Variants in TOP2A observed in about 807,000 individuals in gnomAD.
TOP2A encodes the protein DNA topoisomerase II alpha.
In TOP2A, 68 loss-of-function variants were observed where a neutral mutation model predicts 187.2. The ratio of observed to expected loss-of-function variants is 0.36; its 90% CI spans 0.30 to 0.44. TOP2A has a LOEUF of 0.44. Among genes scored for constraint, TOP2A ranks in the 20% least tolerant of loss-of-function variants. TOP2A has a pLI of 1.00. For missense variants in TOP2A, 1,196 were observed against 1,808.7 expected (o/e 0.66, Z 6.14); for synonymous variants, 542 against 593.2 (o/e 0.91, Z 1.25).
chr17:40,400,856 C>G lies in TOP2A; in HGVS notation c.2658G>C (p.Leu886Phe). Residue 886 changes from leucine (L) to phenylalanine (F), a missense_variant, in exon 21 of 35, where the codon TTG becomes TTC. Leu to Phe is a conservative substitution (Grantham distance 22, BLOSUM62 0). Around this residue, in one of 10 missense-constraint regions of TOP2A, gnomAD observed 232 missense variants for 306.1 expected, o/e 0.76. Transcript: ENST00000423485. Reference sequence around the variant, plus strand: ...ACACACACAGAATACTTACCATTGGCAAAGGTTCTTCTCCATCCATCAAAC... The same window carrying G: ...ACACACACAGAATACTTACCATTGGGAAAGGTTCTTCTCCATCCATCAAAC... ...IRRLMDGEEPLPMLPSYKNFK... is the reference protein window; with the variant it reads ...IRRLMDGEEPFPMLPSYKNFK... The G allele has an allele frequency of 6.2e-7, 1 of 1,613,902 alleles. No individual in the cohort carries two copies. The highest frequency in any genetic ancestry group is 8.5e-7 in the Non-Finnish European group (1 of 1,179,846).
rs2035391927 is a variant in TOP2A at position 40,416,467 on chromosome 17, C to T, written c.223G>A (p.Val75Ile). 1 of 1,604,840 alleles carries T rather than the reference C, an allele frequency of 6.2e-7. No homozygotes were observed. The highest frequency in any genetic ancestry group is 8.5e-7 in the Non-Finnish European group (1 of 1,174,942). The change falls in exon 3 of 35, where the codon GTC becomes ATC. Residue 75 changes from valine (V) to isoleucine (I), a missense_variant. Val to Ile is a conservative substitution (Grantham distance 29). Transcript: ENST00000423485. ...TTGTACAAACCAGGAACAAAAGTGA[C>T]TTCCCTATAGTTAATGCCAACATCT... The part of the protein sequence containing the change: ...DEDVGINYRE[V>I]TFVPGLYKIF...
rs997592163 is a variant in TOP2A, at chr17:40,406,312, T to C, written c.1953+72A>G. The stretch of plus-strand genomic sequence containing the variant: ...TTTGATACGGAGTCTTATACAAAAA[T>C]GTAAATGTTTCAACTGGCTAAAGTA... On this transcript the variant is annotated intron_variant, in intron 16 of 34. Transcript: ENST00000423485. 8 of 1,106,574 alleles carry C rather than the reference T, an allele frequency of 7.2e-6. No homozygotes were observed. In the African/African-American group the frequency reaches 1.3e-4, roughly 17 times the overall value. 68.5% of individuals were successfully genotyped at this position (1,106,574 alleles called of 1,614,324 possible). A position where few individuals can be genotyped will look rare whatever the true frequency, so the allele number is the denominator to read the frequency against.
chr17:40,395,378 G>T, intron 29 of TOP2A, 71 bp downstream of exon 29: 5 of 885,344 alleles, frequency 5.6e-6, no homozygotes, highest in Non-Finnish European at 8.4e-6. Flanking sequence ...GAACATCTAT[G>T]TGGAATGTAC....
At chr17:40,412,561 G>A (rs773171734) in intron 7 of TOP2A, among the ~76,000 whole-genome samples, 198 bp downstream of exon 7, 8 of 152,050 alleles carry the variant, frequency 5.3e-5, no homozygotes, top group East Asian at 1.9e-4. Context: ...GGAGAATTGC[G>A]TGAACCTGGG....
intron 19 of TOP2A, 65 bp from the exon 20 acceptor site, chr17:40,403,119 C>T: frequency 6.9e-7 from 1 of 1,447,718 alleles, no homozygotes; most frequent in Non-Finnish European, 9.4e-7. Flanking sequence ...ATGACTTAAC[C>T]TCACTATAAT....
chr17:40,398,384 G>A (rs1291124237), intron 27 of TOP2A, among the ~76,000 whole-genome samples, 174 bp downstream of exon 27: 2 of 152,114 alleles, frequency 1.3e-5, no homozygotes, highest in South Asian at 2.1e-4. Flanking sequence ...GATTACCAGC[G>A]TGAGCCACTG....
At chr17:40,401,195 T>A in intron 20 of TOP2A, 114 bp from the exon 21 acceptor site, 1 of 847,582 alleles carries the variant, frequency 1.2e-6, no homozygotes, top group Non-Finnish European at 1.8e-6. Flanking sequence ...ACTTGCTGAC[T>A]AATATACATT....
chr17:40,406,297 A>G, intron 16 of TOP2A, 87 bp downstream of exon 16: 1 of 812,554 alleles, frequency 1.2e-6, no homozygotes, highest in South Asian at 2.1e-5. Context: ...TTTGATACGG[A>G]GTCTTATACA....
chr17:40,399,726 G>C, intron 24 of TOP2A, 146 bp downstream of exon 24: 2 of 624,360 alleles, frequency 3.2e-6, no homozygotes, highest in Non-Finnish European at 5.4e-6. Context: ...TACCTAATCA[G>C]ATATTTTAAA....
At chr17:40,395,264 C>T (rs1359040935) in intron 29 of TOP2A, among the ~76,000 whole-genome samples, 185 bp downstream of exon 29, 1 of 88,752 alleles carries the variant, frequency 1.1e-5, no homozygotes, top group African/African-American at 4.5e-5. Context: ...GCCTGGGCAA[C>T]AAGAGTGAAA....
chr17:40,405,566 T>C (rs2035231347), intron 16 of TOP2A, among the ~76,000 whole-genome samples: 1 of 150,856 alleles, frequency 6.6e-6, no homozygotes, highest in African/African-American at 2.4e-5. Context: ...GCCATTCTCC[T>C]GCCTCAGCCT....
At chr17:40,401,212 T>A in intron 20 of TOP2A, 131 bp from the exon 21 acceptor site, 1 of 759,246 alleles carries the variant, frequency 1.3e-6, no homozygotes, top group Non-Finnish European at 2.1e-6. Context: ...CATTTAACAA[T>A]ATTTATTGAG....
intron 29 of TOP2A, among the ~76,000 whole-genome samples, 167 bp from the exon 30 acceptor site, chr17:40,392,904 C>T (rs898035752): frequency 2.6e-5 from 4 of 152,288 alleles, no homozygotes; most frequent in South Asian, 2.1e-4. Flanking sequence ...AGCTTGGTCA[C>T]TTAATCTCAT....
intron 14 of TOP2A, 43 bp from the exon 15 acceptor site, chr17:40,406,732 TC>T (rs1474304611): frequency 3.8e-6 from 6 of 1,582,784 alleles, no homozygotes; most frequent in Non-Finnish European, 5.2e-6. Flanking sequence ...CACTGTGGGG[TC>T]CCCTGTATAC....
At chr17:40,390,818 T>G (rs532299) in intron 33 of TOP2A, among the ~76,000 whole-genome samples, 117,792 of 151,696 alleles carry the variant, frequency 0.78, 45,890 homozygotes, top group Middle Eastern at 0.87. Flanking sequence ...AGAGATGAGG[T>G]TTCACTATGT....
Position 40,408,581 on chromosome 17 carries a change from T to G in TOP2A, c.1253A>C (p.Lys418Thr). ...VESILNWVKF[K>T]AQVQLNKKCS... ...CTTCTTGTTTAACTGGACTTGGGCC[T>G]TAAACTTCACCCAGTTTAGTATGCT... Residue 418 changes from lysine to threonine, a missense_variant, in exon 11 of 35, where the codon AAG becomes ACG. This residue lies in a region of TOP2A where 252 missense variants were observed against 434.8 expected (regional missense o/e 0.58). Coordinates refer to ENST00000423485, the MANE Select transcript of TOP2A (RefSeq NM_001067.4). 1 of 1,613,850 alleles carries G rather than the reference T, an allele frequency of 6.2e-7. No homozygotes were observed. Among genetic ancestry groups the G allele is most frequent in the Non-Finnish European group, 8.5e-7 (1 of 1,179,798 alleles).
At chr17:40,416,361 T>C in intron 3 of TOP2A, 61 bp downstream of exon 3, 1 of 1,150,396 alleles carries the variant, frequency 8.7e-7, no homozygotes, top group South Asian at 1.5e-5. Context: ...TAAATTTTTA[T>C]TTGGAATGAT....
intron 32 of TOP2A, 194 bp from the exon 33 acceptor site, chr17:40,391,834 TCTCTAG>T: frequency 1.2e-6 from 1 of 800,434 alleles, no homozygotes. Context: ...ATTTTTTGTA[TCTCTAG>T]CACCTAGCAA....
At chr17:40,394,881 G>C (rs994040597) in intron 29 of TOP2A, among the ~76,000 whole-genome samples, 1 of 152,172 alleles carries the variant, frequency 6.6e-6, no homozygotes, top group Non-Finnish European at 1.5e-5. Flanking sequence ...GCTAGAAAAT[G>C]AAATCTAATA....
Sources: gnomAD v4.1 joint callset for allele counts (sites outside exome capture counted in the v4.1 genomes callset) on GRCh38, gnomAD v4.1.1 for gene constraint, gnomAD v4.1.1 regional missense constraint, MANE v1.5 for transcripts, NCBI Gene and HGNC (gene_info 2026-07-23, HGNC 2026-07-21) for gene names.